The following ZDHHC6 variants were observed in gnomAD, a reference collection of about 807,000 sequenced individuals.
ZDHHC6 encodes the protein palmitoyltransferase ZDHHC6.
Under a neutral mutation model 57.8 loss-of-function variants are expected in ZDHHC6, and 32 were observed. The ratio of observed to expected loss-of-function variants is 0.55; its 90% CI spans 0.42 to 0.74. The LOEUF is 0.74. ZDHHC6 is among the 30% of genes least tolerant of loss of function. The pLI, the probability that ZDHHC6 is intolerant of heterozygous loss-of-function variation, is 0.00. For missense variants in ZDHHC6, 433 were observed against 500.7 expected, an observed-to-expected ratio of 0.86 and a Z score of 1.29; for synonymous variants, 128 against 158.0, an observed-to-expected ratio of 0.81 and a Z score of 1.42.
At chr10:112,427,195 A>G, downstream of ZDHHC6, 6 of 1,603,188 alleles carry the variant, frequency 3.7e-6, no homozygotes, top group Middle Eastern at 1.7e-4. Context: ...ATGAGCATGG[A>G]TGTGTGTGTG....
Position 112,430,917 on chromosome 10 carries a change from AAAATGAAATTGAGGTG to A in ZDHHC6, c.1139-26_1139-11del. The A allele has an allele frequency of 6.2e-7, 1 of 1,609,194 alleles. No individual in the cohort carries two copies. The highest frequency in any genetic ancestry group is 8.5e-7 in the Non-Finnish European group (1 of 1,176,602). On this transcript the variant is annotated splice_polypyrimidine_tract_variant and intron_variant, in intron 10 of 10. Coordinates refer to ENST00000369405, the MANE Select transcript of ZDHHC6 (RefSeq NM_022494.3). ...CTTATTCTTGAAACACCTGAGGGAG[AAAATGAAATTGAGGTG>A]AAATAGTCTGATGGATGACAGTGAC... is the stretch of plus-strand genomic sequence containing the variant.
chr10:112,444,927 C>CT (rs1478208763), intron 2 of ZDHHC6, among the ~76,000 whole-genome samples: 5 of 151,916 alleles, frequency 3.3e-5, no homozygotes, highest in Admixed American at 2.0e-4. Context: ...CCACCTCCAT[C>CT]TTTTTTTTAA....
chr10:112,441,466 G>C (rs995355657), intron 4 of ZDHHC6, among the ~76,000 whole-genome samples: 2 of 152,200 alleles, frequency 1.3e-5, no homozygotes, highest in Non-Finnish European at 2.9e-5. Flanking sequence ...GATGTGTGCT[G>C]CCTGGCCTGC....
At chr10:112,432,205 T>C (rs1229968527) in intron 10 of ZDHHC6, 35 bp downstream of exon 10, 2 of 1,571,694 alleles carry the variant, frequency 1.3e-6, no homozygotes, top group African/African-American at 2.8e-5. Flanking sequence ...TTGCTAATAG[T>C]CTTGTCCTTT....
At chr10:112,425,724 G>T, downstream of ZDHHC6, 1 of 360,384 alleles carries the variant, frequency 2.8e-6, no homozygotes, top group Non-Finnish European at 4.9e-6. Context: ...TATACTAAAA[G>T]GTAATGATTC....
downstream of ZDHHC6, chr10:112,426,630 G>GT: frequency 1.5e-6 from 1 of 673,642 alleles, no homozygotes; most frequent in Non-Finnish European, 2.6e-6. Flanking sequence ...TTTCTTCTCA[G>GT]TTTTTCTTTC....
chr10:112,447,501 G>C (rs748676863), upstream of ZDHHC6: 35 of 1,606,216 alleles, frequency 2.2e-5, no homozygotes, highest in East Asian at 7.0e-4. Flanking sequence ...GAGGGTGCTG[G>C]GGAGAGCTGG....
At chr10:112,428,158 T>C, downstream of ZDHHC6, 1 of 320,554 alleles carries the variant, frequency 3.1e-6, no homozygotes, top group Non-Finnish European at 5.6e-6. Flanking sequence ...CCAGTGAACT[T>C]TTCCAGTAAA....
chr10:112,432,439 C>T lies in ZDHHC6; in HGVS notation c.1028G>A (p.Cys343Tyr). The T allele has an allele frequency of 1.2e-6, 2 of 1,614,186 alleles. No individual in the cohort carries two copies. The highest frequency in any genetic ancestry group is 1.7e-6 in the Non-Finnish European group (2 of 1,180,018). ...CAGCTGTATTCGAGGCTCTTCGGTG[C>T]AGGGACTTGTGAAGAAGGTTTTGAT... ...KGIKTFFTSP[C>Y]TEEPRIQLQK... Residue 343 changes from cysteine to tyrosine, a missense_variant, in exon 9 of 11, where the codon TGC becomes TAC. Transcript: ENST00000369405.
At chr10:112,438,066 G>C (rs1236546543) in intron 6 of ZDHHC6, among the ~76,000 whole-genome samples, 1 of 152,204 alleles carries the variant, frequency 6.6e-6, no homozygotes, top group Admixed American at 6.5e-5. Context: ...CAAACAGATG[G>C]TTTGACGTGT....
At chr10:112,425,140 A>G (rs1370045519) in exon 12 of ZDHHC6, 6 of 446,928 alleles carry the variant, frequency 1.3e-5, no homozygotes, top group Middle Eastern at 6.0e-4. Context: ...CCACATAGAT[A>G]TACAGTAAAG....
At chr10:112,439,970 C>T (rs1246336391) in intron 5 of ZDHHC6, among the ~76,000 whole-genome samples, 1 of 152,020 alleles carries the variant, frequency 6.6e-6, no homozygotes, top group East Asian at 1.9e-4. Flanking sequence ...ATAATAAGTG[C>T]TCAATAAATG....
intron 10 of ZDHHC6, among the ~76,000 whole-genome samples, chr10:112,431,799 AG>A (rs1845063677): frequency 1.3e-5 from 2 of 152,046 alleles, no homozygotes; most frequent in African/African-American, 4.8e-5. Context: ...AAATGCTCAA[AG>A]TGGGGGCAGC....
chr10:112,430,816 C>T lies in ZDHHC6; in HGVS notation c.1230G>A (p.Lys410=). 6.2e-7 allele frequency: 1 copy of T among 1,612,142 alleles called. No homozygotes were observed. The highest frequency in any genetic ancestry group is 8.5e-7 in the Non-Finnish European group (1 of 1,179,290). The part of the protein sequence containing the change: ...AETDQAPEGE[K]KNR ...GTTTTAACAGCAGCTATCTATTTTT[C>T]TTCTCCCCCTCTGGGGCTTGATCTG... Residue 410 remains lysine, a synonymous_variant, in exon 11 of 11, where the codon AAG becomes AAA. Coordinates refer to ENST00000369405, the MANE Select transcript of ZDHHC6 (RefSeq NM_022494.3).
Position 112,445,373 on chromosome 10 carries a change from A to G in ZDHHC6, c.64T>C (p.Trp22Arg), listed in dbSNP as rs781479718. ...NLQELKRLCH[W>R]GPIIALGVIA... is the part of the protein sequence containing the mutation. Reference sequence around the variant, plus strand: ...ACACCAAGGGCTATGATGGGACCCCAGTGACACAGTCTCTTTAATTCTTGT... The same window carrying G: ...ACACCAAGGGCTATGATGGGACCCCGGTGACACAGTCTCTTTAATTCTTGT... Residue 22 changes from tryptophan to arginine, a missense_variant, in exon 2 of 11, where the codon TGG becomes CGG. By Grantham distance (101) the Trp-to-Arg change is moderately radical. Coordinates refer to ENST00000369405, the MANE Select transcript of ZDHHC6 (RefSeq NM_022494.3). 1 of 1,614,240 alleles carries G rather than the reference A, an allele frequency of 6.2e-7. No homozygotes were observed. Among genetic ancestry groups the G allele is most frequent in the East Asian group, 2.2e-5 (1 of 44,884 alleles).
chr10:112,444,205 G>C (rs987476756), intron 2 of ZDHHC6, among the ~76,000 whole-genome samples: 1 of 152,096 alleles, frequency 6.6e-6, no homozygotes, highest in African/African-American at 2.4e-5. Flanking sequence ...TGTTTCAGCT[G>C]TCTCTGCCCT....
intron 8 of ZDHHC6, 30 bp downstream of exon 8, chr10:112,433,210 A>C (rs771272767): frequency 6.4e-7 from 1 of 1,552,440 alleles, no homozygotes; most frequent in Admixed American, 2.1e-5. Flanking sequence ...CAAAAGAAAA[A>C]AAAATTACCA....
At chr10:112,427,982 A>C (rs1343654608), downstream of ZDHHC6, 1 of 155,212 alleles carries the variant, frequency 6.4e-6, no homozygotes, top group East Asian at 1.9e-4. Context: ...TAAACTCTCT[A>C]GTTAGATATC....
rs1256354141 is a variant in ZDHHC6, at chr10:112,445,588, G to C, written c.-152C>G. On this transcript the variant is annotated 5_prime_UTR_variant, in exon 2 of 11. Transcript: ENST00000369405. Reference sequence around the variant, plus strand: ...TAACGCAGATTACACCATTTTCACTGTCAGGCACCCAAAGCTCTTTATCTT... The same window carrying C: ...TAACGCAGATTACACCATTTTCACTCTCAGGCACCCAAAGCTCTTTATCTT... The C allele has an allele frequency of 5.7e-6, 5 of 880,602 alleles. No individual in the cohort carries two copies. In the African/African-American group the frequency reaches 8.5e-5, roughly 15 times the overall value. 54.5% of individuals were successfully genotyped at this position (880,602 alleles called of 1,614,324 possible).
Sources: allele counts gnomAD v4.1 joint callset (sites outside exome capture counted in the v4.1 genomes callset), GRCh38; gene constraint gnomAD v4.1.1; transcripts MANE v1.5; gene names NCBI Gene and HGNC (gene_info 2026-07-23, HGNC 2026-07-21).